GXYLT1: variants seen among roughly 807,000 people sequenced by gnomAD.
The protein encoded by GXYLT1 is glycosyltransferase 8 domain containing 3.
Under a neutral mutation model 54.0 loss-of-function variants are expected in GXYLT1, and 29 were observed. That is an observed-to-expected ratio of 0.54 (90% CI 0.40 to 0.73). The LOEUF (loss-of-function observed/expected upper bound fraction) is 0.73. GXYLT1 is among the 30% of genes least tolerant of loss of function. The pLI, the probability that GXYLT1 is intolerant of heterozygous loss-of-function variation, is 0.00. For missense variants in GXYLT1, 490 were observed against 553.4 expected (o/e 0.89, Z 1.15); for synonymous variants, 176 against 204.1 (o/e 0.86, Z 1.17).
Position 42,085,736 on chromosome 12 carries a change from G to A in GXYLT1, c.*2050C>T, listed in dbSNP as rs1451751034. ...AATCAGGGAAATTTGCTTAAGGACT[G>A]GCTATGAGATGAAGCCGAAGGACTG... On this transcript the variant is annotated 3_prime_UTR_variant, in exon 8 of 8. Transcript: ENST00000398675. The A allele has an allele frequency of 1.3e-5, 2 of 152,302 alleles. No individual in the cohort carries two copies. Among genetic ancestry groups the A allele is most frequent in the African/African-American group, 2.4e-5 (1 of 41,484 alleles). The allele number at this position is 152,302 out of a possible 1,614,324, so 9.4% of individuals were successfully genotyped here.
chr12:42,137,335 T>G (rs7968826), intron 1 of GXYLT1, among the ~76,000 whole-genome samples: 1 of 150,382 alleles, frequency 6.6e-6, no homozygotes, highest in Non-Finnish European at 1.5e-5. Context: ...AGTGAAACCC[T>G]GTCTCTACTA....
chr12:42,141,547 C>CA (rs751797367), intron 1 of GXYLT1, among the ~76,000 whole-genome samples: 3,250 of 139,058 alleles, frequency 0.023, 115 homozygotes, highest in African/African-American at 0.075. Context: ...GCTTTCACCA[C>CA]AAAAAAAAAA....
At chr12:42,113,537 G>C (rs1286371922) in intron 3 of GXYLT1, among the ~76,000 whole-genome samples, 1 of 151,034 alleles carries the variant, frequency 6.6e-6, no homozygotes, top group Non-Finnish European at 1.5e-5. Flanking sequence ...GACAAAGAAG[G>C]CCATTACATA....
intron 3 of GXYLT1, among the ~76,000 whole-genome samples, chr12:42,111,796 C>T (rs1306710167): frequency 6.6e-6 from 1 of 152,216 alleles, no homozygotes; most frequent in Admixed American, 6.5e-5. Context: ...TAGTGGTTCT[C>T]CCAGCACGCA....
intron 2 of GXYLT1, among the ~76,000 whole-genome samples, chr12:42,124,149 T>G (rs1356996503): frequency 1.3e-4 from 20 of 151,238 alleles, no homozygotes; most frequent in Non-Finnish European, 4.4e-5. Context: ...CCAGTGAAAA[T>G]ATATCTCTTA....
intron 6 of GXYLT1, 108 bp downstream of exon 6, chr12:42,097,802 G>A (rs1182016464): frequency 9.8e-7 from 1 of 1,018,572 alleles, no homozygotes; most frequent in East Asian, 2.5e-5. Flanking sequence ...AACATAAATA[G>A]CAATAATCAT....
chr12:42,110,328 A>G (rs922937915), intron 3 of GXYLT1, among the ~76,000 whole-genome samples: 13 of 152,218 alleles, frequency 8.5e-5, no homozygotes, highest in African/African-American at 3.1e-4. Context: ...ATTATCTCTC[A>G]TTCTTATTTC....
Position 42,109,665 on chromosome 12 carries a change from T to C in GXYLT1, c.513A>G (p.Thr171=), listed in dbSNP as rs7312933. 570,842 of 1,537,008 alleles carry C rather than the reference T, an allele frequency of 0.37. 108,986 individuals are homozygous for C. The highest frequency in any genetic ancestry group is 0.5 in the South Asian group (40,785 of 82,248). Residue 171 remains threonine, a synonymous_variant, in exon 4 of 8, where the codon ACA becomes ACG. Coordinates refer to ENST00000398675, the MANE Select transcript of GXYLT1 (RefSeq NM_173601.2). The part of the protein sequence containing the change: ...GRLDNWSFLQ[T]FNYTLYPITF... ...TTATGGGGTATAACGTATAATTAAA[T>C]GTTTGTAGAAATGACCAGTTGTCAA...
chr12:42,092,515 T>C (rs2065334475), intron 7 of GXYLT1, among the ~76,000 whole-genome samples: 1 of 152,156 alleles, frequency 6.6e-6, no homozygotes, highest in African/African-American at 2.4e-5. Flanking sequence ...CCTAGAGGTA[T>C]ATGAAGTATT....
rs75740340 is a variant in GXYLT1 at position 42,087,815 on chromosome 12, G to A, written c.1294C>T (p.Arg432Cys). The A allele has an allele frequency of 2.1e-5, 34 of 1,588,074 alleles. No homozygotes were observed. Among genetic ancestry groups the A allele is most frequent in the Middle Eastern group, 2.2e-4 (1 of 4,620 alleles). Residue 432 changes from arginine to cysteine, a missense_variant, in exon 8 of 8, where the codon CGT (arginine) becomes TGT (cysteine). Arg to Cys is a radical substitution (Grantham distance 180, BLOSUM62 -3). This residue lies in a region of GXYLT1 where 342 missense variants were observed against 342.6 expected (regional missense o/e 1.00). Transcript: ENST00000398675. ...TTTTCCTTTGGTGATCTGGCATAAC[G>A]ATCTCTTACACTTTTTGCTAGTTGT... ...IKQLAKSVRD[R>C]YARSPKEK
At chr12:42,141,558 A>G (rs973873299) in intron 1 of GXYLT1, among the ~76,000 whole-genome samples, 2 of 151,986 alleles carry the variant, frequency 1.3e-5, no homozygotes, top group African/African-American at 4.8e-5. Flanking sequence ...AAAAAAAAAA[A>G]CCCTATGTGA....
Position 42,144,744 on chromosome 12 carries a change from T to C in GXYLT1, c.-98A>G. On this transcript the variant is annotated 5_prime_UTR_variant, in exon 1 of 8. Coordinates refer to ENST00000398675, the MANE Select transcript of GXYLT1 (RefSeq NM_173601.2). ...CCGCGCAGCCGCGGGCGCAACAAGT[T>C]CCTCACCCGCAGCCGCCGCCGCCGC... 6 of 897,300 alleles carry C rather than the reference T, an allele frequency of 6.7e-6. No homozygotes were observed. Among genetic ancestry groups the C allele is most frequent in the African/African-American group, 1.8e-5 (1 of 56,172 alleles). 55.6% of individuals were successfully genotyped at this position (897,300 alleles called of 1,614,324 possible). A position where few individuals can be genotyped will look rare whatever the true frequency, so the allele number is the denominator to read the frequency against.
intron 2 of GXYLT1, among the ~76,000 whole-genome samples, chr12:42,127,601 T>C (rs985012750): frequency 6.6e-6 from 1 of 152,178 alleles, no homozygotes; most frequent in Non-Finnish European, 1.5e-5. Flanking sequence ...TAAATTTCCC[T>C]GGGACACTCC....
intron 7 of GXYLT1, among the ~76,000 whole-genome samples, chr12:42,089,762 A>G (rs2065319000): frequency 6.6e-6 from 1 of 152,226 alleles, no homozygotes; most frequent in Non-Finnish European, 1.5e-5. Context: ...ACGAAGCTCA[A>G]TGAATGGTGG....
rs954789415 is a variant in GXYLT1 at position 42,084,188 on chromosome 12, A to G, written c.*3598T>C. On this transcript the variant is annotated 3_prime_UTR_variant, in exon 8 of 8. Coordinates refer to ENST00000398675, the MANE Select transcript of GXYLT1 (RefSeq NM_173601.2). ...CTCAAAAAGTAAATGTTTCCACACC[A>G]TTTCTCTCCATCTCTACTTCTCAAT... is the stretch of plus-strand genomic sequence containing the variant. 2.0e-5 allele frequency: 3 copies of G among 152,376 alleles called. No individual in the cohort carries two copies. Among genetic ancestry groups the G allele is most frequent in the Non-Finnish European group, 4.4e-5 (3 of 68,164 alleles). 9.4% of individuals were successfully genotyped at this position (152,376 alleles called of 1,614,324 possible).
chr12:42,127,341 C>G (rs1417678516), intron 2 of GXYLT1, among the ~76,000 whole-genome samples: 1 of 117,682 alleles, frequency 8.5e-6, no homozygotes, highest in Admixed American at 8.8e-5. Flanking sequence ...TTATATGACA[C>G]AAAATGTTTG....
chr12:42,129,645 T>A (rs1333955556), intron 2 of GXYLT1, 114 bp downstream of exon 2: 2 of 611,512 alleles, frequency 3.3e-6, no homozygotes, highest in Non-Finnish European at 5.5e-6. Context: ...AATAAGAAAA[T>A]AAATTATTTG....
intron 1 of GXYLT1, among the ~76,000 whole-genome samples, chr12:42,137,881 G>A (rs897682082): frequency 1.3e-5 from 2 of 152,034 alleles, no homozygotes; most frequent in African/African-American, 4.8e-5. Context: ...TACCCTCCCT[G>A]TGACTGTGCA....
At chr12:42,105,555 GAGA>G (rs2136888762) in intron 5 of GXYLT1, among the ~76,000 whole-genome samples, 1 of 152,244 alleles carries the variant, frequency 6.6e-6, no homozygotes, top group South Asian at 2.1e-4. Flanking sequence ...GCAATCTAGG[GAGA>G]AGATGTTCAC....
Sources: gnomAD v4.1 joint callset for allele counts (sites outside exome capture counted in the v4.1 genomes callset) on GRCh38, gnomAD v4.1.1 for gene constraint, gnomAD v4.1.1 regional missense constraint, MANE v1.5 for transcripts, NCBI Gene and HGNC (gene_info 2026-07-23, HGNC 2026-07-21) for gene names.